CILK1: variants seen among roughly 807,000 people sequenced by gnomAD.
CILK1 encodes ciliogenesis associated kinase 1.
In CILK1, 47 loss-of-function variants were observed where a neutral mutation model predicts 79.2. That is an observed-to-expected ratio of 0.59 (90% CI 0.47 to 0.76). The LOEUF (loss-of-function observed/expected upper bound fraction) is 0.76, where lower values mean the gene tolerates loss of function less well. Ranked by LOEUF, CILK1 falls within the 30% of genes least tolerant of loss-of-function variation. CILK1 has a pLI of 0.00. For synonymous variants in CILK1, 266 were observed against 275.9 expected (o/e 0.96, Z 0.36); for missense variants, 660 against 769.5 (o/e 0.86, Z 1.68).
At chr6:53,012,902 T>C (rs889253232) in intron 9 of CILK1, among the ~76,000 whole-genome samples, 1 of 152,124 alleles carries the variant, frequency 6.6e-6, no homozygotes, top group African/African-American at 2.4e-5. Context: ...GAACCCCTTG[T>C]CAGGTTATTA....
intron 5 of CILK1, among the ~76,000 whole-genome samples, chr6:53,021,083 G>C (rs1054941426): frequency 1.3e-5 from 2 of 152,208 alleles, no homozygotes; most frequent in Non-Finnish European, 2.9e-5. Flanking sequence ...CACTTTGGGA[G>C]GCCGAGGCGG....
chr6:53,055,870 T>A (rs1472372485), intron 1 of CILK1, among the ~76,000 whole-genome samples: 2 of 151,874 alleles, frequency 1.3e-5, no homozygotes, highest in African/African-American at 4.8e-5. Context: ...TTAAAAAAAA[T>A]AAAAAATAAA....
At chr6:53,007,171 C>T (rs538085641) in intron 12 of CILK1, among the ~76,000 whole-genome samples, 256 of 152,140 alleles carry the variant, frequency 1.7e-3, no homozygotes, top group African/African-American at 5.9e-3. Context: ...TATTATTGCC[C>T]GTTATAGAAA....
Position 53,031,059 on chromosome 6 carries a change from A to G in CILK1, c.358+6T>C. The G allele has an allele frequency of 6.4e-7, 1 of 1,568,374 alleles. No individual in the cohort carries two copies. ...CTTCAAAAGCACAACACTCCGAATC[A>G]CCTACCGTGTTTGTGAATAAATGCG... On this transcript the variant is annotated splice_donor_region_variant and intron_variant, in intron 5 of 13. Coordinates refer to ENST00000676107, the MANE Select transcript of CILK1 (RefSeq NM_014920.5).
chr6:53,005,602 A>C (rs1037958874), intron 13 of CILK1, among the ~76,000 whole-genome samples: 5 of 152,112 alleles, frequency 3.3e-5, no homozygotes, highest in African/African-American at 1.2e-4. Context: ...TACCAACTGA[A>C]CTACTACCAC....
At chr6:53,056,391 A>G (rs1767873858) in intron 1 of CILK1, among the ~76,000 whole-genome samples, 1 of 152,224 alleles carries the variant, frequency 6.6e-6, no homozygotes, top group African/African-American at 2.4e-5. Flanking sequence ...TCTCCGTCAC[A>G]ACTCCACTCT....
chr6:53,046,068 T>C (rs1380634853), intron 1 of CILK1, among the ~76,000 whole-genome samples: 1 of 152,214 alleles, frequency 6.6e-6, no homozygotes, highest in Non-Finnish European at 1.5e-5. Flanking sequence ...AACGAAGCTA[T>C]GTCATAAAAA....
intron 8 of CILK1, among the ~76,000 whole-genome samples, chr6:53,015,023 G>C (rs570401652): frequency 1.3e-5 from 2 of 152,192 alleles, no homozygotes; most frequent in Admixed American, 6.5e-5. Flanking sequence ...AAAGTCTTAC[G>C]GCACCAAATT....
At chr6:53,031,976 G>C (rs2127439075) in intron 4 of CILK1, among the ~76,000 whole-genome samples, 1 of 152,252 alleles carries the variant, frequency 6.6e-6, no homozygotes, top group South Asian at 2.1e-4. Context: ...TGGGATTACA[G>C]GCATGCCCCA....
chr6:53,029,736 T>TA (rs1765807561), intron 5 of CILK1, among the ~76,000 whole-genome samples: 1 of 152,182 alleles, frequency 6.6e-6, no homozygotes, highest in Non-Finnish European at 1.5e-5. Context: ...AAAAAAAGTT[T>TA]AAAAATCTGA....
At chr6:53,057,780 A>C (rs901559228) in intron 1 of CILK1, 1 of 152,206 alleles carries the variant, frequency 6.6e-6, no homozygotes, top group African/African-American at 2.4e-5. Flanking sequence ...CCAACTAAGA[A>C]GAACAGAATA....
At chr6:53,054,781 G>C (rs1184093157) in intron 1 of CILK1, 1 of 152,158 alleles carries the variant, frequency 6.6e-6, no homozygotes, top group East Asian at 1.9e-4. Context: ...GATGTTCCTG[G>C]CTAGGTGACA....
At chr6:53,015,067 G>C (rs1302662478) in intron 8 of CILK1, among the ~76,000 whole-genome samples, 1 of 152,146 alleles carries the variant, frequency 6.6e-6, no homozygotes, top group Non-Finnish European at 1.5e-5. Flanking sequence ...TCAGAAAATT[G>C]CTTTTCTACA....
intron 5 of CILK1, among the ~76,000 whole-genome samples, chr6:53,021,417 C>A (rs998701223): frequency 6.6e-6 from 1 of 152,128 alleles, no homozygotes; most frequent in Non-Finnish European, 1.5e-5. Flanking sequence ...TTCTTGCAGA[C>A]CTTCCTTGCT....
At chr6:53,006,084 C>T (rs573758981) in intron 13 of CILK1, among the ~76,000 whole-genome samples, 1 of 152,206 alleles carries the variant, frequency 6.6e-6, no homozygotes, top group African/African-American at 2.4e-5. Flanking sequence ...ACCCCACACT[C>T]CAACCCCCAC....
chr6:53,038,199 T>G lies in CILK1; in HGVS notation c.102-206A>C, dbSNP rs1766479586. On this transcript the variant is annotated intron_variant, in intron 2 of 13. Transcript: ENST00000676107. The stretch of plus-strand genomic sequence containing the variant: ...AAGTCACAAATTTTGCCAGTAGCAG[T>G]GGTGTGGTGCAGTCCAAAGAGGCCT... 1.3e-5 allele frequency among the ~76,000 whole-genome samples: 2 copies of G among 152,124 alleles called. 1 individual carries two copies. Among genetic ancestry groups the G allele is most frequent in the Non-Finnish European group, 2.9e-5 (2 of 68,020 alleles).
intron 1 of CILK1, among the ~76,000 whole-genome samples, chr6:53,059,375 C>G (rs2127477400): frequency 6.6e-6 from 1 of 152,330 alleles, no homozygotes; most frequent in Admixed American, 6.5e-5. Context: ...TAACATATGG[C>G]TCCGGCCCTA....
At chr6:53,011,970 G>A (rs768080430) in intron 10 of CILK1, 53 bp from the exon 11 acceptor site, 9 of 1,613,586 alleles carry the variant, frequency 5.6e-6, no homozygotes, top group Admixed American at 3.3e-5. Flanking sequence ...ATGTATTCTC[G>A]GATATGTACC....
In CILK1 at chr6:53,045,071, TAGA is replaced by T. The variant is rs776977575; in HGVS notation, c.-172-3666_-172-3664del. On this transcript the variant is annotated intron_variant, in intron 1 of 13. Coordinates refer to ENST00000676107, the MANE Select transcript of CILK1 (RefSeq NM_014920.5). ...AAAATTTCAATTATCCCTAAAATGG[TAGA>T]AGAAGGGAAATTTTTTAAAGATACA... Among the ~76,000 whole-genome samples, 161 of 152,344 alleles carry T rather than the reference TAGA, an allele frequency of 1.1e-3. 2 individuals are homozygous for T. The highest frequency in any genetic ancestry group is 1.7e-3 in the Non-Finnish European group (113 of 68,024).
Sources: allele counts gnomAD v4.1 joint callset (sites outside exome capture counted in the v4.1 genomes callset), GRCh38; gene constraint gnomAD v4.1.1; transcripts MANE v1.5; gene names NCBI Gene and HGNC (gene_info 2026-07-23, HGNC 2026-07-21).